The following FAM178B variants were observed in gnomAD, a reference collection of about 807,000 sequenced individuals.
FAM178B encodes the protein family with sequence similarity 178 member B.
FAM178B carries 82 observed loss-of-function variants against 91.7 expected under a neutral mutation model. That is an observed-to-expected ratio of 0.89 (90% CI 0.75 to 1.07). The LOEUF is 1.07. Ranked by LOEUF, FAM178B falls within the 50% of genes least tolerant of loss-of-function variation. The probability of loss-of-function intolerance (pLI) is 0.00; values close to 1 mark genes in which losing one functional copy is unlikely to be tolerated. For synonymous variants in FAM178B, 368 were observed against 359.4 expected (o/e 1.02, Z -0.27); for missense variants, 769 against 846.7 (o/e 0.91, Z 1.14).
intron 8 of FAM178B, among the ~76,000 whole-genome samples, chr2:96,946,100 C>T (rs1031531229): frequency 6.6e-6 from 1 of 152,118 alleles, no homozygotes; most frequent in Non-Finnish European, 1.5e-5. Context: ...AATTTGACTA[C>T]CCTGGGTAAC....
chr2:96,942,278 C>A (rs1470561999), intron 8 of FAM178B, among the ~76,000 whole-genome samples: 2 of 152,168 alleles, frequency 1.3e-5, no homozygotes, highest in Non-Finnish European at 2.9e-5. Flanking sequence ...AGCAATAGTA[C>A]CCAAAAGTTA....
At chr2:96,931,615 G>T (rs1356257992) in intron 8 of FAM178B, among the ~76,000 whole-genome samples, 1 of 151,968 alleles carries the variant, frequency 6.6e-6, no homozygotes, top group African/African-American at 2.4e-5. Context: ...TGCGGGGTGG[G>T]GACTTCCGCA....
intron 8 of FAM178B, among the ~76,000 whole-genome samples, chr2:96,942,423 C>T (rs374973425): frequency 4.6e-5 from 7 of 152,170 alleles, no homozygotes; most frequent in Non-Finnish European, 7.3e-5. Flanking sequence ...GACGGAGTCT[C>T]GCTCTGTCGC....
intron 4 of FAM178B, among the ~76,000 whole-genome samples, 161 bp downstream of exon 4, chr2:96,970,555 C>T (rs534469141): frequency 6.6e-6 from 1 of 152,220 alleles, no homozygotes; most frequent in South Asian, 2.1e-4. Context: ...TGATGCCACC[C>T]CCTGCCCTGG....
In FAM178B at chr2:96,971,985, G is replaced by T. The variant is rs115712091; in HGVS notation, c.480C>A (p.Asp160Glu). ...LPEELEQEHL[D>E]LDPKRGLALP... ...AGGCCAGGCCCCTCTTCGGGTCCAAGTCCAGGTGTTCCTGCTCCAACTCCT... is the reference window on the plus strand; with the variant it reads ...AGGCCAGGCCCCTCTTCGGGTCCAATTCCAGGTGTTCCTGCTCCAACTCCT... Residue 160 changes from aspartate to glutamate, a missense_variant, in exon 3 of 17, where the codon GAC (aspartate) becomes GAA (glutamate). Coordinates refer to ENST00000490605, the MANE Select transcript of FAM178B (RefSeq NM_001122646.3). 3,443 of 1,562,764 alleles carry T rather than the reference G, an allele frequency of 2.2e-3. 76 individuals carry two copies. In the African/African-American group the frequency reaches 0.041, roughly 19 times the overall value.
intron 13 of FAM178B, among the ~76,000 whole-genome samples, chr2:96,894,812 TAC>T (rs1388530816): frequency 1.9e-5 from 1 of 51,752 alleles, no homozygotes; most frequent in Non-Finnish European, 3.5e-5. Flanking sequence ...CTCACCCACA[TAC>T]ACAGACCCCC....
At chr2:96,947,375 G>A (rs2081847415) in intron 8 of FAM178B, among the ~76,000 whole-genome samples, 1 of 152,168 alleles carries the variant, frequency 6.6e-6, no homozygotes, top group South Asian at 2.1e-4. Flanking sequence ...GGCTGTCAGT[G>A]AGGGAGACAG....
At chr2:96,910,339 G>A (rs180787056) in intron 12 of FAM178B, among the ~76,000 whole-genome samples, 75 of 152,208 alleles carry the variant, frequency 4.9e-4, no homozygotes, top group African/African-American at 1.7e-3. Flanking sequence ...CCGGGGAGAC[G>A]GCCTCCTCTG....
intron 5 of FAM178B, among the ~76,000 whole-genome samples, chr2:96,966,027 A>T (rs1297883757): frequency 6.6e-6 from 1 of 151,738 alleles, no homozygotes; most frequent in African/African-American, 2.4e-5. Flanking sequence ...CTCCACACCT[A>T]ACTGGTCTAT....
intron 9 of FAM178B, among the ~76,000 whole-genome samples, chr2:96,927,147 T>C (rs1360382756): frequency 6.6e-6 from 1 of 152,194 alleles, no homozygotes; most frequent in Non-Finnish European, 1.5e-5. Flanking sequence ...TGGAACCTCC[T>C]TGATGCTTCC....
chr2:96,929,396 G>A, intron 8 of FAM178B, 76 bp from the exon 9 acceptor site: 1 of 1,065,358 alleles, frequency 9.4e-7, no homozygotes, highest in Non-Finnish European at 1.4e-6. Flanking sequence ...TGAAGGGGCT[G>A]GCCGTGACCC....
rs191914101 is a variant in FAM178B at position 96,888,617 on chromosome 2, C to T, written c.1776+5309G>A. ...AACCTCCCATTAAGGCGGCCCTTGGCAGGGTCACCCAGCACAGGGACAGAC... is the reference window on the plus strand; with the variant it reads ...AACCTCCCATTAAGGCGGCCCTTGGTAGGGTCACCCAGCACAGGGACAGAC... On this transcript the variant is annotated intron_variant, in intron 14 of 16. Transcript: ENST00000490605. 5.9e-5 allele frequency among the ~76,000 whole-genome samples: 9 copies of T among 152,364 alleles called. No homozygotes were observed. The East Asian group carries it at 1.7e-3, about 29-fold the overall frequency.
In FAM178B at chr2:96,985,247, G is replaced by T. The variant is rs542205831; in HGVS notation, c.73+994C>A. On this transcript the variant is annotated intron_variant, in intron 1 of 16. Transcript: ENST00000490605. ...CCCTCCTGGGGCCCAATACCCGCCA[G>T]CCAGGACCTGTTTCTCCTCCATCTC... Among the ~76,000 whole-genome samples, 9 of 152,270 alleles carry T rather than the reference G, an allele frequency of 5.9e-5. 1 individual carries two copies. The South Asian group carries it at 1.5e-3, about 25-fold the overall frequency.
intron 14 of FAM178B, among the ~76,000 whole-genome samples, chr2:96,886,444 T>C (rs2080523440): frequency 6.6e-6 from 1 of 152,186 alleles, no homozygotes; most frequent in Non-Finnish European, 1.5e-5. Context: ...GGTTAGAAGC[T>C]GAGTCACTTG....
intron 12 of FAM178B, 57 bp downstream of exon 12, chr2:96,921,108 C>A: frequency 6.9e-7 from 1 of 1,439,572 alleles, no homozygotes; most frequent in Non-Finnish European, 9.6e-7. Context: ...TGGATCCCTA[C>A]AAGACCCCGA....
Position 96,967,911 on chromosome 2 carries a change from C to CTTTTTTTTTTTTTTT in FAM178B, c.627-299_627-285dup, listed in dbSNP as rs60965536. Among the ~76,000 whole-genome samples the CTTTTTTTTTTTTTTT allele has an allele frequency of 3.9e-3, 246 of 62,438 alleles. 70 individuals are homozygous for CTTTTTTTTTTTTTTT. Among genetic ancestry groups the CTTTTTTTTTTTTTTT allele is most frequent in the Middle Eastern group, 0.016 (1 of 64 alleles). 41.0% of individuals were successfully genotyped at this position (62,438 alleles called of 152,430 possible). Reference sequence around the variant, plus strand: ...TCTTTACTTGTGTACCCTGTTTGGTCTTTTTTTTTTTTTTTTTTTTTTTTT... The same window carrying CTTTTTTTTTTTTTTT: ...TCTTTACTTGTGTACCCTGTTTGGTCTTTTTTTTTTTTTTTTTTTTTTTTTTTTTTTTTTTTTTTT... On this transcript the variant is annotated intron_variant, in intron 4 of 16. Transcript: ENST00000490605.
chr2:96,961,068 C>T (rs1331821339), intron 5 of FAM178B, among the ~76,000 whole-genome samples: 2 of 152,004 alleles, frequency 1.3e-5, no homozygotes, highest in South Asian at 2.1e-4. Flanking sequence ...GGGCCCGGTC[C>T]GGCCCAGAGA....
intron 8 of FAM178B, among the ~76,000 whole-genome samples, chr2:96,938,129 G>A (rs1223890144): frequency 6.6e-6 from 1 of 152,160 alleles, no homozygotes; most frequent in African/African-American, 2.4e-5. Flanking sequence ...AGCTAAAGTG[G>A]TGGGCAAAAC....
At chr2:96,980,699 G>C (rs911141416) in intron 1 of FAM178B, among the ~76,000 whole-genome samples, 1 of 152,166 alleles carries the variant, frequency 6.6e-6, no homozygotes, top group African/African-American at 2.4e-5. Flanking sequence ...AACCGAGCCA[G>C]CCTCCTTGCA....
Sources: allele counts gnomAD v4.1 joint callset (sites outside exome capture counted in the v4.1 genomes callset), GRCh38; gene constraint gnomAD v4.1.1; transcripts MANE v1.5; gene names NCBI Gene and HGNC (gene_info 2026-07-23, HGNC 2026-07-21).